Variants in HAT1 observed in about 807,000 individuals in gnomAD.
HAT1 encodes histone acetyltransferase type B catalytic subunit.
In HAT1, 20 loss-of-function variants were observed where a neutral mutation model predicts 56.6. The observed-to-expected ratio is 0.35, with a 90% CI of 0.25 to 0.51. HAT1 has a LOEUF of 0.51. Ranked by LOEUF, HAT1 falls within the 20% of genes least tolerant of loss-of-function variation. The pLI, the probability that HAT1 is intolerant of heterozygous loss-of-function variation, is 0.95. For synonymous variants in HAT1, 146 were observed against 165.5 expected, an observed-to-expected ratio of 0.88 and a Z score of 0.91; for missense variants, 408 against 504.3, an observed-to-expected ratio of 0.81 and a Z score of 1.83.
In HAT1 at chr2:171,979,261, G is replaced by T. The variant is rs371956736; in HGVS notation, c.990G>T (p.Arg330Ser). 3 of 1,552,456 alleles carry T rather than the reference G, an allele frequency of 1.9e-6. No homozygotes were observed. In the South Asian group the frequency reaches 3.5e-5, roughly 18 times the overall value. Residue 330 changes from arginine (R) to serine (S), a missense_variant, in exon 10 of 11, where the codon AGG (arginine) becomes AGT (serine). Physicochemically the swap from Arg to Ser is moderately radical, Grantham distance 110. Coordinates refer to ENST00000264108, the MANE Select transcript of HAT1 (RefSeq NM_003642.4). The part of the protein sequence containing the change: ...KFKINKQHAR[R>S]VYEILRLLVT... ...TTTCATTCTAGCAACACGCTAGAAG[G>T]GTTTATGAAATTCTTCGACTACTGG...
intron 4 of HAT1, among the ~76,000 whole-genome samples, chr2:171,958,433 C>G (rs1574055342): frequency 1.3e-5 from 2 of 151,634 alleles, no homozygotes; most frequent in East Asian, 3.9e-4. Context: ...TTTTCCCCCT[C>G]ATTAAAAAAA....
At chr2:171,947,628 C>A (rs191195349) in intron 3 of HAT1, among the ~76,000 whole-genome samples, 6 of 152,146 alleles carry the variant, frequency 3.9e-5, no homozygotes, top group African/African-American at 1.4e-4. Flanking sequence ...CCTGTAATCC[C>A]AACACTTTGG....
chr2:171,958,514 C>T (rs142135608), intron 4 of HAT1, among the ~76,000 whole-genome samples: 1 of 151,894 alleles, frequency 6.6e-6, no homozygotes, highest in South Asian at 2.1e-4. Context: ...CCTCAAACTC[C>T]TGGCCTCAAG....
intron 3 of HAT1, among the ~76,000 whole-genome samples, chr2:171,949,776 T>TA (rs1275990026): frequency 6.6e-6 from 1 of 152,076 alleles, no homozygotes; most frequent in East Asian, 1.9e-4. Flanking sequence ...GTGCTGGGAT[T>TA]ACAGGCGTGA....
chr2:171,929,449 T>C (rs907173552), intron 2 of HAT1, among the ~76,000 whole-genome samples: 1 of 152,216 alleles, frequency 6.6e-6, no homozygotes, highest in Admixed American at 6.5e-5. Context: ...TTTTTTTGTA[T>C]AACTGGAAGT....
chr2:171,949,278 C>T (rs1643807043), intron 3 of HAT1, among the ~76,000 whole-genome samples: 1 of 151,966 alleles, frequency 6.6e-6, no homozygotes, highest in African/African-American at 2.4e-5. Context: ...GTGGTGCGAT[C>T]ACAGCTCACT....
Position 171,934,681 on chromosome 2 carries a change from A to G in HAT1, c.112+9040A>G, listed in dbSNP as rs1405737576. Reference sequence around the variant, plus strand: ...CTTCAAGTTAGTTCTCATGAATGTAAAGTGAGGTCAGCCACGTCCAGATGA... The same window carrying G: ...CTTCAAGTTAGTTCTCATGAATGTAGAGTGAGGTCAGCCACGTCCAGATGA... On this transcript the variant is annotated intron_variant, in intron 2 of 10. Transcript: ENST00000264108. Among the ~76,000 whole-genome samples the G allele has an allele frequency of 1.3e-5, 2 of 152,054 alleles. 1 individual carries two copies. Among genetic ancestry groups the G allele is most frequent in the Non-Finnish European group, 2.9e-5 (2 of 68,012 alleles).
intron 2 of HAT1, among the ~76,000 whole-genome samples, chr2:171,946,290 G>T (rs1160035340): frequency 6.6e-6 from 1 of 152,178 alleles, no homozygotes; most frequent in Non-Finnish European, 1.5e-5. Context: ...CAAAAAGAAT[G>T]ACTTCATCAA....
intron 2 of HAT1, among the ~76,000 whole-genome samples, chr2:171,936,800 T>TG (rs1686883678): frequency 6.6e-6 from 1 of 152,142 alleles, no homozygotes; most frequent in Admixed American, 6.5e-5. Flanking sequence ...TATGCTAAGA[T>TG]TTCAGTTATT....
At chr2:171,965,941 A>C in intron 6 of HAT1, 33 bp downstream of exon 6, 3 of 1,579,492 alleles carry the variant, frequency 1.9e-6, no homozygotes, top group Non-Finnish European at 2.6e-6. Flanking sequence ...AGTAGACCTT[A>C]TTACCTCCAC....
chr2:171,972,631 T>C (rs760915044), intron 8 of HAT1, among the ~76,000 whole-genome samples: 12 of 152,164 alleles, frequency 7.9e-5, no homozygotes, highest in Non-Finnish European at 1.6e-4. Context: ...TGGGGTCTCC[T>C]AGCTGTAAAG....
chr2:171,934,627 T>TA (rs1229217345), intron 2 of HAT1, among the ~76,000 whole-genome samples: 1 of 152,142 alleles, frequency 6.6e-6, no homozygotes, highest in Non-Finnish European at 1.5e-5. Context: ...TGAGAACTGT[T>TA]ACCATTGTCA....
chr2:171,930,122 A>T (rs938714139), intron 2 of HAT1, among the ~76,000 whole-genome samples: 1 of 152,120 alleles, frequency 6.6e-6, no homozygotes, highest in Non-Finnish European at 1.5e-5. Flanking sequence ...TATCTGAGTA[A>T]ATCTACATCT....
At chr2:171,937,844 A>G (rs1056674525) in intron 2 of HAT1, among the ~76,000 whole-genome samples, 8 of 152,192 alleles carry the variant, frequency 5.3e-5, no homozygotes, top group African/African-American at 1.7e-4. Flanking sequence ...CAACATAGCG[A>G]GACCTTGTCT....
At chr2:171,935,312 C>A (rs185777125) in intron 2 of HAT1, among the ~76,000 whole-genome samples, 1 of 144,290 alleles carries the variant, frequency 6.9e-6, no homozygotes, top group African/African-American at 2.5e-5. Context: ...GTCAGGAGTT[C>A]GAGACCAGCC....
chr2:171,934,140 T>C (rs976778136), intron 2 of HAT1, among the ~76,000 whole-genome samples: 4 of 152,238 alleles, frequency 2.6e-5, no homozygotes, highest in Non-Finnish European at 5.9e-5. Context: ...CTCTGTCCCC[T>C]CTTTAACCCA....
chr2:171,961,945 T>C (rs56133507), intron 4 of HAT1, among the ~76,000 whole-genome samples: 4 of 151,588 alleles, frequency 2.6e-5, no homozygotes, highest in Non-Finnish European at 1.5e-5. Context: ...GTTAAGTCTA[T>C]GTACCACTTT....
At chr2:171,965,668 A>G (rs1687667183) in intron 5 of HAT1, 119 bp from the exon 6 acceptor site, 6 of 1,054,860 alleles carry the variant, frequency 5.7e-6, no homozygotes, top group Non-Finnish European at 7.0e-6. Context: ...GTCTGTATCT[A>G]TGTTCACATC....
At chr2:171,969,420 ATGTT>A (rs1262604912) in intron 8 of HAT1, among the ~76,000 whole-genome samples, 7 of 152,164 alleles carry the variant, frequency 4.6e-5, no homozygotes, top group African/African-American at 1.7e-4. Flanking sequence ...ACTAATATGT[ATGTT>A]AATATGAGAA....
Sources: allele counts gnomAD v4.1 joint callset (sites outside exome capture counted in the v4.1 genomes callset), GRCh38; gene constraint gnomAD v4.1.1; transcripts MANE v1.5; gene names NCBI Gene and HGNC (gene_info 2026-07-23, HGNC 2026-07-21).